TENM1: variants seen among roughly 807,000 people sequenced by gnomAD.
TENM1 encodes the protein teneurin-1.
Under a neutral mutation model 174.8 loss-of-function variants are expected in TENM1, and 35 were observed. That is an observed-to-expected ratio of 0.20 (90% CI 0.15 to 0.27). The LOEUF is 0.27. TENM1 is among the 10% of genes least tolerant of loss of function. The probability of loss-of-function intolerance (pLI) is 1.00; values close to 1 mark genes in which losing one functional copy is unlikely to be tolerated. For missense variants in TENM1, 1,633 were observed against 2,130.1 expected (o/e 0.77, Z 4.59); for synonymous variants, 781 against 798.7 (o/e 0.98, Z 0.37).
the TENM1 span, among the ~76,000 whole-genome samples, chrX:125,038,741 A>C: frequency 1.8e-5 from 2 of 111,452 alleles, no homozygotes; most frequent in African/African-American, 6.5e-5. Context: ...AACAACTATA[A>C]TTGACCTAGA....
At chrX:125,128,778 T>C in the TENM1 span, among the ~76,000 whole-genome samples, 1 of 111,272 alleles carries the variant, frequency 9.0e-6, no homozygotes, top group East Asian at 2.8e-4. Context: ...AATGAGATAG[T>C]TCATTTAAAG....
At chrX:124,394,882 A>T (rs1257463539) in intron 27 of TENM1, among the ~76,000 whole-genome samples, 4 of 104,621 alleles carry the variant, frequency 3.8e-5, no homozygotes, top group African/African-American at 1.4e-4. Flanking sequence ...TACATGATAA[A>T]CATTTATTTA....
the TENM1 span, among the ~76,000 whole-genome samples, chrX:125,146,876 C>T: frequency 1.8e-5 from 2 of 110,899 alleles, no homozygotes; most frequent in East Asian, 5.7e-4. Flanking sequence ...TGACCATAGT[C>T]CCTAAAAATT....
the TENM1 span, among the ~76,000 whole-genome samples, chrX:125,004,090 C>T: frequency 1.8e-5 from 2 of 111,670 alleles, no homozygotes; most frequent in Admixed American, 9.5e-5. Context: ...TGAGTAATGA[C>T]GGAAATAGAG....
At chrX:124,420,936 C>G (rs1193020794) in intron 24 of TENM1, 115 bp from the exon 28 acceptor site, 5 of 699,232 alleles carry the variant, frequency 7.2e-6, no homozygotes, top group African/African-American at 4.4e-5. Context: ...ATCAGTGAAC[C>G]AACATTCTCT....
chrX:124,659,585 G>C (rs1352642712), intron 6 of TENM1, among the ~76,000 whole-genome samples: 1 of 110,502 alleles, frequency 9.0e-6, no homozygotes, highest in African/African-American at 3.4e-5. Context: ...TGCAGTCCCT[G>C]TCAAAATTCC....
At chrX:124,422,117 G>A (rs376638339) in intron 24 of TENM1, among the ~76,000 whole-genome samples, 155 bp downstream of exon 27, 67 of 112,034 alleles carry the variant, frequency 6.0e-4, no homozygotes, top group African/African-American at 2.1e-3. Context: ...AGAACAAGTC[G>A]GTGATCTGAC....
the TENM1 span, among the ~76,000 whole-genome samples, chrX:125,108,757 T>C: frequency 1.8e-5 from 2 of 110,049 alleles, no homozygotes; most frequent in Non-Finnish European, 1.9e-5. Context: ...TGTATATATA[T>C]ATATACACAG....
At chrX:124,584,007 C>G (rs2049413487) in intron 11 of TENM1, among the ~76,000 whole-genome samples, 1 of 110,250 alleles carries the variant, frequency 9.1e-6, no homozygotes, top group Admixed American at 9.7e-5. Context: ...AAGAAACGAA[C>G]AAAGCCTCCA....
the TENM1 span, among the ~76,000 whole-genome samples, chrX:125,162,770 C>G: frequency 9.0e-6 from 1 of 111,510 alleles, no homozygotes; most frequent in Admixed American, 9.6e-5. Flanking sequence ...AAGATGACTC[C>G]CATATCTACA....
At chrX:125,129,119 T>G in the TENM1 span, among the ~76,000 whole-genome samples, 1 of 111,787 alleles carries the variant, frequency 8.9e-6, no homozygotes, top group Non-Finnish European at 1.9e-5. Flanking sequence ...AAGGCAGTTG[T>G]CTACGAGCCA....
At chrX:124,874,365 AT>A (rs1040312162) in intron 3 of TENM1, among the ~76,000 whole-genome samples, 7 of 109,975 alleles carry the variant, frequency 6.4e-5, no homozygotes, top group African/African-American at 2.3e-4. Context: ...GAGTTTAAAC[AT>A]TTTTTTTCAT....
chrX:125,157,742 T>C, the TENM1 span, among the ~76,000 whole-genome samples: 29 of 112,198 alleles, frequency 2.6e-4, no homozygotes, highest in Non-Finnish European at 5.1e-4. Flanking sequence ...ATTCCTATTT[T>C]ATTCAGAGCT....
the TENM1 span, among the ~76,000 whole-genome samples, chrX:125,018,541 AAATT>A: frequency 9.0e-6 from 1 of 111,321 alleles, no homozygotes; most frequent in African/African-American, 3.3e-5. Context: ...AGTAACTTAA[AAATT>A]AATTAAAAGC....
At chrX:125,156,062 T>C in the TENM1 span, among the ~76,000 whole-genome samples, 3 of 112,093 alleles carry the variant, frequency 2.7e-5, no homozygotes, top group Non-Finnish European at 3.8e-5. Flanking sequence ...AGTAGGAAAT[T>C]AGTAGTTTTA....
At chrX:125,200,652 TGTGAGA>T in the TENM1 span, among the ~76,000 whole-genome samples, 1 of 81,326 alleles carries the variant, frequency 1.2e-5, no homozygotes, top group Admixed American at 1.3e-4. Context: ...TGTGTGTGTG[TGTGAGA>T]GAGAGAGAGA....
At chrX:124,548,144 T>C (rs1225513145) in intron 14 of TENM1, among the ~76,000 whole-genome samples, 1 of 112,230 alleles carries the variant, frequency 8.9e-6, no homozygotes, top group Non-Finnish European at 1.9e-5. Context: ...CCGATGCAAT[T>C]ACTACCAAAT....
At chrX:125,061,884 C>T in the TENM1 span, among the ~76,000 whole-genome samples, 474 of 111,952 alleles carry the variant, frequency 4.2e-3, 5 homozygotes, top group African/African-American at 0.014. Flanking sequence ...CTCTGTATGC[C>T]CCACAAGTTT....
the TENM1 span, among the ~76,000 whole-genome samples, chrX:125,176,001 C>A: frequency 2.7e-5 from 3 of 111,496 alleles, no homozygotes; most frequent in Non-Finnish European, 5.7e-5. Context: ...AAGCAAAAGC[C>A]TAGGGCAAAT....
Sources: allele counts gnomAD v4.1 joint callset (sites outside exome capture counted in the v4.1 genomes callset), GRCh38; gene constraint gnomAD v4.1.1; transcripts MANE v1.5; gene names NCBI Gene and HGNC (gene_info 2026-07-23, HGNC 2026-07-21).